Variants in AUTS2 observed in about 807,000 individuals in gnomAD.
AUTS2 encodes autism susceptibility gene 2 protein.
Under a neutral mutation model 112.4 loss-of-function variants are expected in AUTS2, and 17 were observed. That is an observed-to-expected ratio of 0.15 (90% confidence interval 0.10 to 0.23). AUTS2 has a LOEUF of 0.23. Among genes scored for constraint, AUTS2 ranks in the 10% least tolerant of loss-of-function variants. AUTS2 has a pLI of 1.00. For synonymous variants in AUTS2, 751 were observed against 702.7 expected (o/e 1.07, Z -1.09); for missense variants, 1,510 against 1,701.6 (o/e 0.89, Z 1.98).
chr7:69,809,582 G>C, intron 1 of AUTS2, among the ~76,000 whole-genome samples: 1 of 152,088 alleles, frequency 6.6e-6, no homozygotes, highest in East Asian at 1.9e-4. Context: ...CTCAGAACCT[G>C]GGGGCTCACA....
At chr7:69,646,906 G>A (rs1228652420) in intron 1 of AUTS2, among the ~76,000 whole-genome samples, 1 of 152,176 alleles carries the variant, frequency 6.6e-6, no homozygotes, top group African/African-American at 2.4e-5. Context: ...CTAACACGGT[G>A]AAACCCCGTC....
At chr7:70,729,634 T>C (rs1338406687) in intron 6 of AUTS2, among the ~76,000 whole-genome samples, 2 of 152,182 alleles carry the variant, frequency 1.3e-5, no homozygotes, top group African/African-American at 4.8e-5. Flanking sequence ...AAATGACCAG[T>C]AATTGTTTCT....
intron 2 of AUTS2, among the ~76,000 whole-genome samples, chr7:69,987,673 T>A (rs904838929): frequency 3.9e-5 from 6 of 152,186 alleles, no homozygotes; most frequent in African/African-American, 1.4e-4. Context: ...TCTTGTGATG[T>A]TGCCCATGCT....
At chr7:69,970,951 T>C (rs1797824263) in intron 2 of AUTS2, among the ~76,000 whole-genome samples, 1 of 152,118 alleles carries the variant, frequency 6.6e-6, no homozygotes, top group Non-Finnish European at 1.5e-5. Context: ...GGCGGGAGAA[T>C]CCCTTGATCC....
rs187037487 is a variant in AUTS2, at chr7:70,318,928, G to A, written c.661-116824G>A. On this transcript the variant is annotated intron_variant, in intron 4 of 18. Coordinates refer to ENST00000342771, the MANE Select transcript of AUTS2 (RefSeq NM_015570.4). ...CACCGTGCCCATTGATGTCACTTTGGTGCTGCTGAGACAGAAAGTGAGTAT... is the reference window on the plus strand; with the variant it reads ...CACCGTGCCCATTGATGTCACTTTGATGCTGCTGAGACAGAAAGTGAGTAT... 2.0e-5 allele frequency among the ~76,000 whole-genome samples: 3 copies of A among 152,250 alleles called. No individual in the cohort carries two copies. In the East Asian group the frequency reaches 5.8e-4, roughly 29 times the overall value.
chr7:70,160,955 T>A (rs1435684083), intron 4 of AUTS2, among the ~76,000 whole-genome samples: 1 of 152,194 alleles, frequency 6.6e-6, no homozygotes, highest in Non-Finnish European at 1.5e-5. Flanking sequence ...GCATGCAAAT[T>A]TCAACTCGGC....
rs557663497 is a variant in AUTS2 at position 70,743,190 on chromosome 7, G to A, written c.743-19680G>A. 1.3e-5 allele frequency among the ~76,000 whole-genome samples: 2 copies of A among 151,814 alleles called. 1 individual carries two copies. The highest frequency in any genetic ancestry group is 4.8e-5 in the African/African-American group (2 of 41,360). ...TTTGTTTCTTTAAGAAATCTGGGCC[G>A]GACACTGTGGCACACACCTGTAATC... On this transcript the variant is annotated intron_variant, in intron 6 of 18. Transcript: ENST00000342771.
intron 5 of AUTS2, among the ~76,000 whole-genome samples, chr7:70,524,436 A>T (rs113718011): frequency 6.6e-6 from 1 of 152,228 alleles, no homozygotes; most frequent in African/African-American, 2.4e-5. Flanking sequence ...CCTCATCCAC[A>T]TTGATAAATA....
intron 1 of AUTS2, among the ~76,000 whole-genome samples, chr7:69,634,680 G>A (rs1794435416): frequency 6.6e-6 from 1 of 152,192 alleles, no homozygotes; most frequent in Admixed American, 6.5e-5. Context: ...AGGGTAATAT[G>A]TGCTGGCATC....
At chr7:70,541,317 A>G (rs1418773453) in intron 5 of AUTS2, among the ~76,000 whole-genome samples, 2 of 152,172 alleles carry the variant, frequency 1.3e-5, no homozygotes, top group African/African-American at 2.4e-5. Context: ...ACAGAGACCC[A>G]TGCCACCTTT....
chr7:70,787,046 C>A, intron 17 of AUTS2, 163 bp from the exon 18 acceptor site: 1 of 767,408 alleles, frequency 1.3e-6, no homozygotes, highest in Non-Finnish European at 2.3e-6. Flanking sequence ...TAGGACAAGA[C>A]TTCCTCTAAT....
In AUTS2 at chr7:70,589,442, G is replaced by A. The variant is rs185730706; in HGVS notation, c.691-109127G>A. On this transcript the variant is annotated intron_variant, in intron 5 of 18. Coordinates refer to ENST00000342771, the MANE Select transcript of AUTS2 (RefSeq NM_015570.4). ...AAGAAGTGGGGTTATGGCCAGGTGCGGTGGCTTACGCCTATAATCCTAGCA... is the reference window on the plus strand; with the variant it reads ...AAGAAGTGGGGTTATGGCCAGGTGCAGTGGCTTACGCCTATAATCCTAGCA... 9.2e-5 allele frequency among the ~76,000 whole-genome samples: 14 copies of A among 152,318 alleles called. No homozygotes were observed. The East Asian group carries it at 9.7e-4, about 11-fold the overall frequency.
chr7:70,775,658 C>G (rs991086321), intron 13 of AUTS2, among the ~76,000 whole-genome samples: 1 of 151,966 alleles, frequency 6.6e-6, no homozygotes, highest in African/African-American at 2.4e-5. Flanking sequence ...AAAGGTTTGA[C>G]TAGTTGGAAC....
At chr7:70,531,355 C>T (rs1800079168) in intron 5 of AUTS2, among the ~76,000 whole-genome samples, 1 of 152,166 alleles carries the variant, frequency 6.6e-6, no homozygotes, top group Non-Finnish European at 1.5e-5. Context: ...CAGCTAGATC[C>T]TGTGCGTGAG....
At chr7:69,932,652 C>T (rs1479606802) in intron 2 of AUTS2, among the ~76,000 whole-genome samples, 1 of 152,162 alleles carries the variant, frequency 6.6e-6, no homozygotes, top group Non-Finnish European at 1.5e-5. Context: ...TACAGTTTGG[C>T]CTCCAGTGTG....
At chr7:70,504,181 AT>A (rs1163301767) in intron 5 of AUTS2, among the ~76,000 whole-genome samples, 1 of 151,848 alleles carries the variant, frequency 6.6e-6, no homozygotes, top group African/African-American at 2.4e-5. Flanking sequence ...TTAAAGCTTT[AT>A]AGGCTATTTT....
chr7:69,697,106 G>T (rs1220887800), intron 1 of AUTS2, among the ~76,000 whole-genome samples: 1 of 152,202 alleles, frequency 6.6e-6, no homozygotes, highest in African/African-American at 2.4e-5. Flanking sequence ...AATGTAGATT[G>T]CTAGACCTCA....
chr7:70,758,203 T>C (rs1272844941), intron 6 of AUTS2, among the ~76,000 whole-genome samples: 1 of 152,190 alleles, frequency 6.6e-6, no homozygotes, highest in Admixed American at 6.5e-5. Context: ...TGCAAGGTGT[T>C]CCATTGTGTG....
At chr7:69,690,084 T>C (rs1797258737) in intron 1 of AUTS2, among the ~76,000 whole-genome samples, 1 of 152,214 alleles carries the variant, frequency 6.6e-6, no homozygotes, top group Non-Finnish European at 1.5e-5. Flanking sequence ...AGGGGAGATA[T>C]TTTTAAAATT....
Sources: gnomAD v4.1 joint callset for allele counts (sites outside exome capture counted in the v4.1 genomes callset) on GRCh38, gnomAD v4.1.1 for gene constraint, MANE v1.5 for transcripts, NCBI Gene and HGNC (gene_info 2026-07-23, HGNC 2026-07-21) for gene names.